The following LRP1B variants were observed in gnomAD, a reference collection of about 807,000 sequenced individuals.
LRP1B encodes LDL receptor related protein 1B, also known as low-density lipoprotein receptor-related protein 1B.
Under a neutral mutation model 556.6 loss-of-function variants are expected in LRP1B, and 217 were observed. The observed-to-expected ratio is 0.39, with a 90% CI of 0.35 to 0.44. LRP1B has a LOEUF of 0.44. Ranked by LOEUF, LRP1B falls within the 20% of genes least tolerant of loss-of-function variation. The probability of loss-of-function intolerance (pLI) is 1.00; values close to 1 mark genes in which losing one functional copy is unlikely to be tolerated. For synonymous variants in LRP1B, 2,047 were observed against 1,865.8 expected (o/e 1.10, Z -2.50); for missense variants, 5,053 against 5,620.8 (o/e 0.90, Z 3.23).
chr2:141,948,760 T>C (rs1294969122), intron 1 of LRP1B, among the ~76,000 whole-genome samples: 1 of 152,016 alleles, frequency 6.6e-6, no homozygotes, highest in African/African-American at 2.4e-5. Context: ...AAATTTACTA[T>C]GAGAAAACCA....
At chr2:140,683,945 A>T in intron 41 of LRP1B, 1 of 386,248 alleles carries the variant, frequency 2.6e-6, no homozygotes, top group African/African-American at 2.1e-5. Context: ...GGGCTACGTG[A>T]CGCGCCTTTA....
intron 9 of LRP1B, 60 bp from the exon 10 acceptor site, chr2:141,055,319 G>A (rs1699149400): frequency 1.3e-6 from 2 of 1,537,716 alleles, no homozygotes. Context: ...ATAACTATGT[G>A]CATCAGTATG....
intron 6 of LRP1B, 130 bp from the exon 7 acceptor site, chr2:141,188,713 C>CTT: frequency 1.4e-6 from 1 of 710,818 alleles, no homozygotes. Context: ...TGAAAAGAAA[C>CTT]TGCAAAGTCT....
chr2:140,850,810 G>T (rs1305735189), intron 28 of LRP1B, among the ~76,000 whole-genome samples: 1 of 152,184 alleles, frequency 6.6e-6, no homozygotes, highest in Middle Eastern at 3.4e-3. Flanking sequence ...ATAATTTAAA[G>T]CGTGCTTTTA....
At chr2:141,496,814 T>G (rs1449438663) in intron 2 of LRP1B, among the ~76,000 whole-genome samples, 4 of 151,838 alleles carry the variant, frequency 2.6e-5, no homozygotes, top group African/African-American at 2.4e-5. Context: ...GAACCAGATA[T>G]AAAATGTGAG....
At chr2:142,065,150 A>G (rs1342717985) in intron 1 of LRP1B, among the ~76,000 whole-genome samples, 2 of 151,556 alleles carry the variant, frequency 1.3e-5, no homozygotes, top group Non-Finnish European at 3.0e-5. Context: ...CGGTCATTGT[A>G]TAATGGTATC....
At chr2:140,382,689 A>G (rs2105192059) in intron 67 of LRP1B, among the ~76,000 whole-genome samples, 1 of 152,326 alleles carries the variant, frequency 6.6e-6, no homozygotes, top group East Asian at 1.9e-4. Context: ...CCCCACTACT[A>G]TTTGAACTCT....
At chr2:141,686,305 T>C (rs1056934061) in intron 2 of LRP1B, among the ~76,000 whole-genome samples, 2 of 151,906 alleles carry the variant, frequency 1.3e-5, no homozygotes, top group African/African-American at 2.4e-5. Flanking sequence ...GGGCTTATTA[T>C]ATGAGATATA....
rs148102843 is a variant in LRP1B at position 142,062,819 on chromosome 2, G to C, written c.82+67829C>G. ...ATGGTTTAGAAGTATCATATGCCCA[G>C]ATACTTTCAACATGAACTTTTATTC... On this transcript the variant is annotated intron_variant, in intron 1 of 90. Coordinates refer to ENST00000389484, the MANE Select transcript of LRP1B (RefSeq NM_018557.3). Among the ~76,000 whole-genome samples the C allele has an allele frequency of 1.6e-3, 241 of 151,734 alleles. 2 individuals carry two copies. Among genetic ancestry groups the C allele is most frequent in the African/African-American group, 5.6e-3 (234 of 41,494 alleles).
At chr2:140,494,275 A>T (rs1558921216) in intron 56 of LRP1B, among the ~76,000 whole-genome samples, 1 of 152,180 alleles carries the variant, frequency 6.6e-6, no homozygotes, top group Non-Finnish European at 1.5e-5. Context: ...TAATGTTTAA[A>T]GTAATGGAAA....
chr2:140,376,071 T>G (rs1363954708), intron 68 of LRP1B, among the ~76,000 whole-genome samples: 4 of 152,178 alleles, frequency 2.6e-5, no homozygotes, highest in Admixed American at 2.6e-4. Flanking sequence ...ACCAATAGTG[T>G]TAGCTACTTA....
intron 35 of LRP1B, among the ~76,000 whole-genome samples, chr2:140,734,644 T>G (rs747404338): frequency 9.9e-5 from 15 of 152,140 alleles, no homozygotes; most frequent in Non-Finnish European, 1.9e-4. Flanking sequence ...GCCTCTATGA[T>G]CTCTAATTTT....
chr2:141,222,819 C>T (rs1683099955), intron 6 of LRP1B, among the ~76,000 whole-genome samples: 1 of 152,128 alleles, frequency 6.6e-6, no homozygotes, highest in Non-Finnish European at 1.5e-5. Context: ...GCAGAAAAGG[C>T]CTTTGACAAA....
chr2:141,999,573 C>G (rs916806527), intron 1 of LRP1B, among the ~76,000 whole-genome samples: 1 of 152,036 alleles, frequency 6.6e-6, no homozygotes, highest in African/African-American at 2.4e-5. Flanking sequence ...GATAAAGCCA[C>G]ATACAATTAA....
chr2:141,266,050 C>A (rs1267656353), intron 3 of LRP1B, among the ~76,000 whole-genome samples: 3 of 152,028 alleles, frequency 2.0e-5, no homozygotes, highest in Non-Finnish European at 4.4e-5. Context: ...TCTGGCCAGG[C>A]GCGGTGGCTC....
intron 21 of LRP1B, among the ~76,000 whole-genome samples, chr2:140,908,467 A>G (rs114617930): frequency 4.2e-4 from 63 of 151,028 alleles, no homozygotes; most frequent in African/African-American, 1.4e-3. Flanking sequence ...ATACATTTGT[A>G]TATTAGTGCC....
At chr2:142,100,016 A>C (rs1389670156) in intron 1 of LRP1B, among the ~76,000 whole-genome samples, 1 of 151,934 alleles carries the variant, frequency 6.6e-6, no homozygotes, top group Non-Finnish European at 1.5e-5. Context: ...ATATCAAAGA[A>C]ATTGTTGATT....
intron 2 of LRP1B, among the ~76,000 whole-genome samples, chr2:141,677,417 T>C (rs1274916118): frequency 1.3e-5 from 2 of 152,158 alleles, no homozygotes; most frequent in Non-Finnish European, 2.9e-5. Flanking sequence ...TATAGAAATC[T>C]TTGGGAACAT....
intron 1 of LRP1B, among the ~76,000 whole-genome samples, chr2:141,952,882 ACT>A (rs1347057797): frequency 6.6e-6 from 1 of 151,956 alleles, no homozygotes; most frequent in African/African-American, 2.4e-5. Flanking sequence ...ATAAAGTAAC[ACT>A]CTCAAAGAAC....
Sources: allele counts gnomAD v4.1 joint callset (sites outside exome capture counted in the v4.1 genomes callset), GRCh38; gene constraint gnomAD v4.1.1; transcripts MANE v1.5; gene names NCBI Gene and HGNC (gene_info 2026-07-23, HGNC 2026-07-21).